The following AP2A1 variants were observed in gnomAD, a reference collection of about 807,000 sequenced individuals.
The protein encoded by AP2A1 is AP-2 complex subunit alpha-1.
In AP2A1, 21 loss-of-function variants were observed where a neutral mutation model predicts 107.3. The observed-to-expected ratio is 0.20, with a 90% CI of 0.14 to 0.28. The LOEUF is 0.28. AP2A1 is among the 10% of genes least tolerant of loss of function. AP2A1 has a pLI of 1.00. For synonymous variants in AP2A1, 602 were observed against 564.8 expected (o/e 1.07, Z -0.93); for missense variants, 873 against 1,307.7 (o/e 0.67, Z 5.13).
At chr19:49,795,558 C>A in intron 6 of AP2A1, 72 bp from the exon 7 acceptor site, 1 of 1,036,438 alleles carries the variant, frequency 9.6e-7, no homozygotes, top group South Asian at 1.4e-5. Flanking sequence ...ACCATTTGCT[C>A]CACCCTGGCA....
rs1051698324 is a variant in AP2A1, at chr19:49,785,287, C to T, written c.473+2563C>T. On this transcript the variant is annotated intron_variant, in intron 4 of 22. Transcript: ENST00000354293. This position sits in a 1 kb window ranked among gnomAD's most constrained non-coding sequence, Gnocchi z 4.1. ...CAGGCATCTGTCACCAGGTCCAGGT[C>T]AGAGCTCGCGGTGGCTTGGACCAGG... 6.6e-6 allele frequency among the ~76,000 whole-genome samples: 1 copy of T among 152,136 alleles called. No homozygotes were observed.
intron 7 of AP2A1, chr19:49,797,259 T>A (rs1205857160): frequency 6.6e-6 from 1 of 152,222 alleles, no homozygotes; most frequent in African/African-American, 2.4e-5. Context: ...TGCCAATTTG[T>A]TTGCAAGTCA....
chr19:49,772,820 A>C (rs565065221), intron 1 of AP2A1, among the ~76,000 whole-genome samples: 2 of 151,994 alleles, frequency 1.3e-5, no homozygotes, highest in East Asian at 3.9e-4. Flanking sequence ...TTCTGGAAAC[A>C]AAAAAAGGCC....
intron 1 of AP2A1, among the ~76,000 whole-genome samples, chr19:49,777,440 C>G (rs2084627898): frequency 1.4e-5 from 2 of 143,504 alleles, no homozygotes; most frequent in Non-Finnish European, 3.0e-5. Flanking sequence ...TTGAGACCAT[C>G]CTAGCTAACA....
At chr19:49,798,668 T>C (rs1451337162) in intron 7 of AP2A1, 134 bp from the exon 8 acceptor site, 15 of 1,201,788 alleles carry the variant, frequency 1.2e-5, no homozygotes. Flanking sequence ...GGCCCTGAGC[T>C]GCAGAATTCT....
At chr19:49,802,548 C>T (rs1310230595) in intron 15 of AP2A1, 2 of 1,606,514 alleles carry the variant, frequency 1.2e-6, no homozygotes, top group South Asian at 2.2e-5. Flanking sequence ...CTGGAGCCGC[C>T]TGCCCCCGAG....
chr19:49,781,875 C>T (rs772437619), intron 2 of AP2A1, 50 bp downstream of exon 2: 1 of 1,591,734 alleles, frequency 6.3e-7, no homozygotes, highest in African/African-American at 1.4e-5. Flanking sequence ...GGGCTGGGAG[C>T]TGGGGCTCCT....
chr19:49,803,244 C>T, intron 17 of AP2A1, 43 bp from the exon 18 acceptor site: 1 of 1,613,104 alleles, frequency 6.2e-7, no homozygotes, highest in Non-Finnish European at 8.5e-7. Flanking sequence ...GGGAAGGGGT[C>T]AGAGGGACTC....
In AP2A1 at chr19:49,805,795, G is replaced by T; in HGVS notation, c.2585+18G>T. On this transcript the variant is annotated intron_variant, in intron 20 of 22. Coordinates refer to ENST00000354293, the MANE Select transcript of AP2A1 (RefSeq NM_130787.3). ...CTGAGCCTGTGAGGGGTGGGGAGGG[G>T]GCGGAGCCAAAGCCGCGCCTCTGGG... is the stretch of plus-strand genomic sequence containing the variant. 6.2e-7 allele frequency: 1 copy of T among 1,609,186 alleles called. No individual in the cohort carries two copies. The highest frequency in any genetic ancestry group is 8.5e-7 in the Non-Finnish European group (1 of 1,177,994).
chr19:49,791,695 C>T (rs1004166375), intron 4 of AP2A1, among the ~76,000 whole-genome samples: 3 of 152,120 alleles, frequency 2.0e-5, no homozygotes, highest in African/African-American at 7.2e-5. Context: ...AGGTGCAGAG[C>T]CAGGCTTGAC....
Position 49,800,964 on chromosome 19 carries a change from C to T in AP2A1, c.1459C>T (p.Leu487Phe). Residue 487 changes from leucine (L) to phenylalanine (F), a missense_variant, in exon 12 of 23, where the codon CTC becomes TTC. Leu to Phe is a conservative substitution (Grantham distance 22, BLOSUM62 0). Transcript: ENST00000354293. ...CGCCCTTCCCCACCCCACTCAGGCG[C>T]TCCAGGCCCCTGCCTGTCACGAGAA... Reference protein sequence around the residue: ...GYAAKTVFEALQAPACHENMV... With the variant: ...GYAAKTVFEAFQAPACHENMV... The T allele has an allele frequency of 6.3e-7, 1 of 1,595,838 alleles. No individual in the cohort carries two copies. The highest frequency in any genetic ancestry group is 8.5e-7 in the Non-Finnish European group (1 of 1,171,272).
At chr19:49,791,090 C>T (rs2073137034) in intron 4 of AP2A1, among the ~76,000 whole-genome samples, 1 of 152,268 alleles carries the variant, frequency 6.6e-6, no homozygotes, top group Non-Finnish European at 1.5e-5. Context: ...GCCTGCAGGC[C>T]TCCTTGCTGC....
intron 4 of AP2A1, among the ~76,000 whole-genome samples, chr19:49,790,810 T>C (rs1190692156): frequency 2.0e-5 from 3 of 152,228 alleles, no homozygotes. Flanking sequence ...ATACACCCAT[T>C]TTCTCAGTTT....
chr19:49,793,898 CTTTTTTTTT>C (rs956804227), intron 6 of AP2A1, among the ~76,000 whole-genome samples: 16 of 74,584 alleles, frequency 2.1e-4, no homozygotes, highest in South Asian at 6.0e-4. Flanking sequence ...CTCATTGTTT[CTTTTTTTTT>C]TTTTTTTTTT....
chr19:49,776,122 GC>G (rs902126175), intron 1 of AP2A1, among the ~76,000 whole-genome samples: 4 of 151,458 alleles, frequency 2.6e-5, no homozygotes, highest in Admixed American at 6.6e-5. Context: ...CCCTCCCATG[GC>G]CCCCCCCAGC....
rs201187935 is a variant in AP2A1 at position 49,787,326 on chromosome 19, C to CTTTT, written c.474-4605_474-4602dup. Among the ~76,000 whole-genome samples, 152 of 116,762 alleles carry CTTTT rather than the reference C, an allele frequency of 1.3e-3. 12 individuals carry two copies. The highest frequency in any genetic ancestry group is 3.3e-3 in the African/African-American group (88 of 26,660). The allele number at this position is 116,762 out of a possible 152,430, so 76.6% of individuals were successfully genotyped here. ...GTGTGAGCCACCACTCCCATCTAGG[C>CTTTT]TTTTTTTGTTTGTTTTTTTTGTTTT... On this transcript the variant is annotated intron_variant, in intron 4 of 22. Transcript: ENST00000354293.
chr19:49,781,593 T>C (rs558483459), intron 1 of AP2A1, among the ~76,000 whole-genome samples, 164 bp from the exon 2 acceptor site: 3 of 152,158 alleles, frequency 2.0e-5, no homozygotes, highest in Non-Finnish European at 4.4e-5. Flanking sequence ...CTTCCCTCTT[T>C]GAAACTCCCA....
At chr19:49,776,082 G>A (rs112983729) in intron 1 of AP2A1, among the ~76,000 whole-genome samples, 2,148 of 152,116 alleles carry the variant, frequency 0.014, 49 homozygotes, top group African/African-American at 0.049. Context: ...ACCCCTCACG[G>A]CAACAGCCAC....
chr19:49,771,303 TAAA>T (rs902347385), intron 1 of AP2A1, among the ~76,000 whole-genome samples: 24 of 98,030 alleles, frequency 2.4e-4, no homozygotes, highest in African/African-American at 7.9e-4. Context: ...CCTCATCTCT[TAAA>T]AAAAAAAAAA....
Sources: gnomAD v4.1 joint callset for allele counts (sites outside exome capture counted in the v4.1 genomes callset) on GRCh38, gnomAD v4.1.1 for gene constraint, Gnocchi (gnomAD v3.1) non-coding constraint, MANE v1.5 for transcripts, NCBI Gene and HGNC (gene_info 2026-07-23, HGNC 2026-07-21) for gene names.